Variants in NACC2 observed in about 807,000 individuals in gnomAD.
NACC2 encodes the protein NACC family member 2, also known as nucleus accumbens-associated protein 2.
A neutral mutation model predicts 25.1 loss-of-function variants in NACC2; 8 were observed. The ratio of observed to expected loss-of-function variants is 0.32; its 90% CI spans 0.19 to 0.57. NACC2 has a LOEUF of 0.57. Ranked by LOEUF, NACC2 falls within the 20% of genes least tolerant of loss-of-function variation. NACC2 has a pLI of 0.89. For missense variants in NACC2, 644 were observed against 650.2 expected, an observed-to-expected ratio of 0.99 and a Z score of 0.10; for synonymous variants, 435 against 294.7, an observed-to-expected ratio of 1.48 and a Z score of -4.88.
rs1840241169 is a variant in NACC2 at position 136,018,752 on chromosome 9, G to A, written c.887-2323C>T. Among the ~76,000 whole-genome samples the A allele has an allele frequency of 6.6e-6, 1 of 152,084 alleles. No individual in the cohort carries two copies. The highest frequency in any genetic ancestry group is 2.4e-5 in the African/African-American group (1 of 41,372). ...AGGATAAGCCCAGAATTACCCGAGT[G>A]CTCAGGGAACACAGCAAAACAACCC... On this transcript the variant is annotated intron_variant, in intron 2 of 5. Transcript: ENST00000277554. The surrounding 1 kb of genome is among the most constrained non-coding windows in gnomAD (Gnocchi z 4.4).
At chr9:136,041,420 A>T (rs1005581261) in intron 2 of NACC2, among the ~76,000 whole-genome samples, 1 of 140,478 alleles carries the variant, frequency 7.1e-6, no homozygotes, top group Non-Finnish European at 1.5e-5. Context: ...ATGATCTGAG[A>T]AAAAAAAAAA....
chr9:136,064,921 A>C (rs1319877451), intron 1 of NACC2, among the ~76,000 whole-genome samples: 1 of 152,222 alleles, frequency 6.6e-6, no homozygotes, highest in Non-Finnish European at 1.5e-5. Context: ...GCAGCCAATT[A>C]ATTTAACAAG....
intron 1 of NACC2, among the ~76,000 whole-genome samples, chr9:136,076,449 GACA>G (rs1334508866): frequency 6.6e-6 from 1 of 152,180 alleles, no homozygotes; most frequent in Non-Finnish European, 1.5e-5. Flanking sequence ...GGCACACACA[GACA>G]ACGCCACGGG....
intron 2 of NACC2, among the ~76,000 whole-genome samples, chr9:136,038,826 C>T (rs898331891): frequency 2.6e-5 from 4 of 152,002 alleles, no homozygotes; most frequent in East Asian, 1.9e-4. Flanking sequence ...TGCTACCGTG[C>T]GGTCTAGAGC....
intron 1 of NACC2, among the ~76,000 whole-genome samples, chr9:136,081,094 C>T (rs1046037596): frequency 5.3e-5 from 8 of 152,152 alleles, no homozygotes; most frequent in Admixed American, 5.2e-4. Flanking sequence ...AAGAAACGCG[C>T]GTTTCCCATA....
chr9:136,059,981 G>A (rs1173272946), intron 1 of NACC2, among the ~76,000 whole-genome samples: 1 of 152,224 alleles, frequency 6.6e-6, no homozygotes, highest in Admixed American at 6.5e-5. Flanking sequence ...CGCCTCGGGG[G>A]ACCTGCAGGA....
At chr9:136,048,280 G>A (rs1406837825) in intron 2 of NACC2, among the ~76,000 whole-genome samples, 1 of 152,208 alleles carries the variant, frequency 6.6e-6, no homozygotes, top group Non-Finnish European at 1.5e-5. Context: ...TGGGGTGGCT[G>A]TCAGCAGGGG....
intron 1 of NACC2, among the ~76,000 whole-genome samples, chr9:136,074,852 A>G (rs905676428): frequency 6.6e-6 from 1 of 152,088 alleles, no homozygotes; most frequent in African/African-American, 2.4e-5. Context: ...CCTCACACAG[A>G]GCGGCAGGAA....
At chr9:136,094,479 G>A (rs908242853) in intron 1 of NACC2, among the ~76,000 whole-genome samples, 1 of 151,996 alleles carries the variant, frequency 6.6e-6, no homozygotes, top group Non-Finnish European at 1.5e-5. Context: ...CGTGCGGGGT[G>A]CGCGGCGGGC....
intron 1 of NACC2, among the ~76,000 whole-genome samples, chr9:136,073,805 C>T (rs1407974945): frequency 6.6e-6 from 1 of 152,194 alleles, no homozygotes; most frequent in Non-Finnish European, 1.5e-5. Flanking sequence ...CCTCTACTGC[C>T]AAGTACTGCA....
At chr9:136,054,602 G>A (rs1328946584) in intron 1 of NACC2, among the ~76,000 whole-genome samples, 5 of 152,204 alleles carry the variant, frequency 3.3e-5, no homozygotes, top group East Asian at 1.9e-4. Context: ...GCCCAGGGAC[G>A]TGAGCAGAGC....
intron 2 of NACC2, among the ~76,000 whole-genome samples, chr9:136,039,205 T>C (rs1840595520): frequency 6.6e-6 from 1 of 152,184 alleles, no homozygotes; most frequent in African/African-American, 2.4e-5. Context: ...CAGAGATGGA[T>C]AAATGACATG....
At chr9:136,039,442 A>G (rs1159025811) in intron 2 of NACC2, among the ~76,000 whole-genome samples, 1 of 152,246 alleles carries the variant, frequency 6.6e-6, no homozygotes, top group East Asian at 1.9e-4. Flanking sequence ...CATCAAGCTT[A>G]TATCAACTCT....
chr9:136,046,076 C>G (rs1840719745), intron 2 of NACC2, among the ~76,000 whole-genome samples: 1 of 152,224 alleles, frequency 6.6e-6, no homozygotes, highest in Non-Finnish European at 1.5e-5. Context: ...AGGAAAGGGG[C>G]TCCCGCTCAG....
At chr9:136,077,046 G>GAT (rs1830270243) in intron 1 of NACC2, among the ~76,000 whole-genome samples, 3 of 152,072 alleles carry the variant, frequency 2.0e-5, no homozygotes, top group Admixed American at 6.5e-5. Context: ...CGGGTGTGGT[G>GAT]GCGGGCGCCT....
rs1840793326 is a variant in NACC2, at chr9:136,049,973, G to A, written c.549C>T (p.Ala183=). 4.7e-6 allele frequency: 3 copies of A among 632,242 alleles called. No individual in the cohort carries two copies. The highest frequency in any genetic ancestry group is 1.8e-5 in the African/African-American group (1 of 54,716). 39.2% of individuals were successfully genotyped at this position (632,242 alleles called of 1,614,324 possible). A position where few individuals can be genotyped will look rare whatever the true frequency, so the allele number is the denominator to read the frequency against. The part of the protein sequence containing the change: ...VKHEAMELPP[A]GPGLAPKRPL... ...GGCGCTTGGGGGCCAGGCCTGGGCCGGCCGGCGGCAGCTCCATGGCTTCAT... is the reference window on the plus strand; with the variant it reads ...GGCGCTTGGGGGCCAGGCCTGGGCCAGCCGGCGGCAGCTCCATGGCTTCAT... The change falls in exon 2 of 6, where the codon GCC becomes GCT. Residue 183 remains alanine, a synonymous_variant. Coordinates refer to ENST00000277554, the MANE Select transcript of NACC2 (RefSeq NM_144653.5).
chr9:136,091,174 TTACATGGGA>T (rs1479684538), intron 1 of NACC2, among the ~76,000 whole-genome samples: 2 of 152,184 alleles, frequency 1.3e-5, no homozygotes, highest in East Asian at 3.9e-4. Context: ...GTAGTGAGCC[TTACATGGGA>T]TTCAGTGGCT....
intron 1 of NACC2, among the ~76,000 whole-genome samples, chr9:136,081,442 C>T (rs1360196958): frequency 2.0e-5 from 3 of 152,228 alleles, no homozygotes; most frequent in Admixed American, 2.0e-4. Context: ...ACTCAGCACT[C>T]GGACCTGCTC....
In NACC2 at chr9:136,020,272, C is replaced by T. The variant is rs1840270914; in HGVS notation, c.887-3843G>A. ...TCATTGGCCTCACCCTGACTTTTCT[C>T]AACTCCCTGGGTTACTGATTGGGTT... On this transcript the variant is annotated intron_variant, in intron 2 of 5. Coordinates refer to ENST00000277554, the MANE Select transcript of NACC2 (RefSeq NM_144653.5). This position sits in a 1 kb window ranked among gnomAD's most constrained non-coding sequence, Gnocchi z 4.7. Among the ~76,000 whole-genome samples the T allele has an allele frequency of 6.6e-6, 1 of 152,204 alleles. No homozygotes were observed. The highest frequency in any genetic ancestry group is 2.4e-5 in the African/African-American group (1 of 41,444).
Sources: allele counts gnomAD v4.1 joint callset (sites outside exome capture counted in the v4.1 genomes callset), GRCh38; gene constraint gnomAD v4.1.1; non-coding constraint Gnocchi (gnomAD v3.1); transcripts MANE v1.5; gene names NCBI Gene and HGNC (gene_info 2026-07-23, HGNC 2026-07-21).